FRMD4B: variants seen among roughly 807,000 people sequenced by gnomAD.
The protein encoded by FRMD4B is FERM domain containing 4B, also known as FERM domain-containing protein 4B.
In FRMD4B, 74 loss-of-function variants were observed where a neutral mutation model predicts 141.5. The observed-to-expected ratio is 0.52, with a 90% confidence interval of 0.43 to 0.63. The LOEUF (loss-of-function observed/expected upper bound fraction) is 0.63. Ranked by LOEUF, FRMD4B falls within the 30% of genes least tolerant of loss-of-function variation. FRMD4B has a pLI of 0.00. For synonymous variants in FRMD4B, 506 were observed against 467.9 expected (o/e 1.08, Z -1.05); for missense variants, 1,366 against 1,253.4 (o/e 1.09, Z -1.36).
intron 1 of FRMD4B, among the ~76,000 whole-genome samples, chr3:69,541,842 G>C (rs897385569): frequency 6.6e-6 from 1 of 150,862 alleles, no homozygotes; most frequent in African/African-American, 2.4e-5. Flanking sequence ...CCAGATCTGG[G>C]CTTCATCAGC....
intron 1 of FRMD4B, among the ~76,000 whole-genome samples, chr3:69,517,924 G>A (rs187185683): frequency 6.6e-6 from 1 of 152,100 alleles, no homozygotes. Flanking sequence ...CAGCTTGCTA[G>A]GCTGCACCAC....
chr3:69,240,617 A>G (rs1342895950), intron 7 of FRMD4B, among the ~76,000 whole-genome samples: 1 of 152,136 alleles, frequency 6.6e-6, no homozygotes, highest in Admixed American at 6.6e-5. Context: ...CAAGTGAAAA[A>G]TTATTTATGG....
chr3:69,187,731 C>T, intron 19 of FRMD4B, 39 bp downstream of exon 19: 1 of 1,563,042 alleles, frequency 6.4e-7, no homozygotes, highest in Admixed American at 2.0e-5. Flanking sequence ...AATTTCCTAG[C>T]TGTGGGGCAT....
rs1254194119 is a variant in FRMD4B at position 69,323,630 on chromosome 3, A to G, written c.163-10113T>C. Among the ~76,000 whole-genome samples, 105 of 59,786 alleles carry G rather than the reference A, an allele frequency of 1.8e-3. 2 individuals carry two copies. Among genetic ancestry groups the G allele is most frequent in the Middle Eastern group, 0.015 (2 of 132 alleles). The allele number at this position is 59,786 out of a possible 152,430, so 39.2% of individuals were successfully genotyped here. A position where few individuals can be genotyped will look rare whatever the true frequency, so the allele number is the denominator to read the frequency against. On this transcript the variant is annotated intron_variant, in intron 1 of 22. Transcript: ENST00000398540. ...TGTGTATATATATATATATATATAT[A>G]TATATATATATATATATATATATGC...
At chr3:69,339,504 C>A (rs927769755) in intron 1 of FRMD4B, among the ~76,000 whole-genome samples, 5 of 152,086 alleles carry the variant, frequency 3.3e-5, no homozygotes, top group African/African-American at 1.2e-4. Context: ...TGGAAAGCAC[C>A]CAGCACAGTG....
chr3:69,221,162 C>A (rs1263444981), intron 9 of FRMD4B, among the ~76,000 whole-genome samples: 9 of 152,014 alleles, frequency 5.9e-5, no homozygotes, highest in Non-Finnish European at 1.0e-4. Flanking sequence ...GGGGTTTCAC[C>A]ATGTTGGCCA....
At chr3:69,491,457 G>A (rs2107025000) in intron 1 of FRMD4B, among the ~76,000 whole-genome samples, 1 of 152,232 alleles carries the variant, frequency 6.6e-6, no homozygotes, top group East Asian at 1.9e-4. Flanking sequence ...ATCTTCTTCT[G>A]GATAAAAGAG....
At chr3:69,452,023 G>A (rs1292506929) in intron 1 of FRMD4B, among the ~76,000 whole-genome samples, 2 of 152,166 alleles carry the variant, frequency 1.3e-5, no homozygotes, top group Non-Finnish European at 2.9e-5. Context: ...CAAAACAAAT[G>A]TTTACAATAT....
chr3:69,226,759 G>C (rs984876774), intron 7 of FRMD4B, among the ~76,000 whole-genome samples: 1 of 152,076 alleles, frequency 6.6e-6, no homozygotes, highest in Non-Finnish European at 1.5e-5. Flanking sequence ...TCATATGATG[G>C]AACTGTTTTT....
intron 11 of FRMD4B, among the ~76,000 whole-genome samples, chr3:69,202,548 G>A (rs1472409153): frequency 6.6e-6 from 1 of 151,314 alleles, no homozygotes; most frequent in Non-Finnish European, 1.5e-5. Flanking sequence ...ACTAGAATGT[G>A]TTCTAAAGTG....
intron 4 of FRMD4B, among the ~76,000 whole-genome samples, chr3:69,289,562 G>A (rs936680869): frequency 6.6e-6 from 1 of 152,142 alleles, no homozygotes; most frequent in Non-Finnish European, 1.5e-5. Context: ...TTGGGAGGCC[G>A]AGGCGGGCAG....
Position 69,195,257 on chromosome 3 carries a change from GCTC to G in FRMD4B, c.1339_1341del (p.Glu447del). 1 of 1,613,008 alleles carries G rather than the reference GCTC, an allele frequency of 6.2e-7. No homozygotes were observed. The highest frequency in any genetic ancestry group is 8.5e-7 in the Non-Finnish European group (1 of 1,179,674). Reference sequence around the variant, plus strand: ...GCCTCCCGCAGACAGATCTTCTTAAGCTCCTCAACTTTTTTCAGAAGTTTTTCT... The same window carrying G: ...GCCTCCCGCAGACAGATCTTCTTAAGCTCAACTTTTTTCAGAAGTTTTTCT... On this transcript the variant is annotated inframe_deletion, in exon 15 of 23. Transcript: ENST00000398540.
chr3:69,387,472 T>C (rs1237274713), upstream of FRMD4B, among the ~76,000 whole-genome samples: 1 of 152,188 alleles, frequency 6.6e-6, no homozygotes, highest in African/African-American at 2.4e-5. Flanking sequence ...CTGTAGCAAA[T>C]TTCAGGATGG....
chr3:69,250,290 C>CGTGTGT (rs10526962), intron 5 of FRMD4B, 191 bp from the exon 6 acceptor site: 93,597 of 416,692 alleles, frequency 0.22, 8,422 homozygotes, highest in Non-Finnish European at 0.27. Context: ...ACTGTGTGTG[C>CGTGTGT]GTGTGTGTGT....
intron 1 of FRMD4B, among the ~76,000 whole-genome samples, chr3:69,364,364 G>T (rs1011178940): frequency 1.3e-5 from 2 of 152,206 alleles, no homozygotes; most frequent in Non-Finnish European, 2.9e-5. Flanking sequence ...GGAAGCATGC[G>T]CTGGGACCTG....
At chr3:69,496,090 T>C (rs951465539) in intron 1 of FRMD4B, among the ~76,000 whole-genome samples, 39 of 152,214 alleles carry the variant, frequency 2.6e-4, no homozygotes, top group Middle Eastern at 3.2e-3. Context: ...TAAGTTAATC[T>C]TCCGTATCAT....
At chr3:69,418,540 C>A (rs753132359) in intron 2 of FRMD4B, among the ~76,000 whole-genome samples, 4 of 152,124 alleles carry the variant, frequency 2.6e-5, no homozygotes, top group Non-Finnish European at 5.9e-5. Context: ...CAGATTAGAG[C>A]GAAAGACGTT....
At chr3:69,288,066 A>G (rs1700750102) in intron 4 of FRMD4B, among the ~76,000 whole-genome samples, 1 of 152,262 alleles carries the variant, frequency 6.6e-6, no homozygotes, top group South Asian at 2.1e-4. Flanking sequence ...AGGTGAGTTA[A>G]AGAGAAACCC....
chr3:69,442,372 A>C (rs1269467553), intron 1 of FRMD4B, among the ~76,000 whole-genome samples: 1 of 152,100 alleles, frequency 6.6e-6, no homozygotes, highest in African/African-American at 2.4e-5. Context: ...ATGAGCCACT[A>C]TGCCCTGCCA....
Sources: allele counts gnomAD v4.1 joint callset (sites outside exome capture counted in the v4.1 genomes callset), GRCh38; gene constraint gnomAD v4.1.1; transcripts MANE v1.5; gene names NCBI Gene and HGNC (gene_info 2026-07-23, HGNC 2026-07-21).